The following CAMK1D variants were observed in gnomAD, a reference collection of about 807,000 sequenced individuals.
The protein encoded by CAMK1D is calcium/calmodulin-dependent protein kinase type 1D.
In CAMK1D, 9 loss-of-function variants were observed where a neutral mutation model predicts 47.7. The observed-to-expected ratio is 0.19, with a 90% CI of 0.11 to 0.33. The LOEUF is 0.33. Among genes scored for constraint, CAMK1D ranks in the 10% least tolerant of loss-of-function variants. The probability of loss-of-function intolerance (pLI) is 1.00; values close to 1 mark genes in which losing one functional copy is unlikely to be tolerated. For missense variants in CAMK1D, 291 were observed against 488.7 expected, an observed-to-expected ratio of 0.60 and a Z score of 3.81; for synonymous variants, 184 against 184.9, an observed-to-expected ratio of 0.99 and a Z score of 0.04.
intron 1 of CAMK1D, among the ~76,000 whole-genome samples, chr10:12,464,353 G>T (rs1184049765): frequency 6.6e-6 from 1 of 152,150 alleles, no homozygotes; most frequent in Non-Finnish European, 1.5e-5. Flanking sequence ...GCAGAGAGTA[G>T]TCAGTAAATG....
At chr10:12,664,752 A>G (rs1420521663) in intron 2 of CAMK1D, among the ~76,000 whole-genome samples, 1 of 152,240 alleles carries the variant, frequency 6.6e-6, no homozygotes, top group East Asian at 1.9e-4. Context: ...CTTAAACTAC[A>G]AAAGTATTCA....
At chr10:12,687,746 C>G (rs551345148) in intron 3 of CAMK1D, among the ~76,000 whole-genome samples, 2 of 152,096 alleles carry the variant, frequency 1.3e-5, no homozygotes, top group Admixed American at 6.5e-5. Flanking sequence ...GGAGACAAAT[C>G]AAAAAGAGGG....
intron 1 of CAMK1D, among the ~76,000 whole-genome samples, chr10:12,427,801 G>A (rs999738802): frequency 2.2e-5 from 3 of 134,238 alleles, no homozygotes; most frequent in East Asian, 2.4e-4. Context: ...TTTTCCTCCC[G>A]GGTTCAAGCG....
At chr10:12,792,319 G>A (rs1295795340) in intron 6 of CAMK1D, among the ~76,000 whole-genome samples, 1 of 152,116 alleles carries the variant, frequency 6.6e-6, no homozygotes, top group Admixed American at 6.5e-5. Flanking sequence ...TAAGTCTACT[G>A]TAAAGTTATT....
intron 1 of CAMK1D, among the ~76,000 whole-genome samples, chr10:12,540,546 A>G (rs141175712): frequency 8.2e-4 from 125 of 152,374 alleles, no homozygotes; most frequent in African/African-American, 2.9e-3. Flanking sequence ...GAAACCAAAG[A>G]TATCACAAGC....
intron 3 of CAMK1D, among the ~76,000 whole-genome samples, chr10:12,743,861 AAAAATACAGAAATTAGCTGGATGTGGTAG>A (rs1835545461): frequency 1.3e-5 from 2 of 152,132 alleles, no homozygotes; most frequent in African/African-American, 4.8e-5. Context: ...TGTCTCTACT[AAAAATACAGAAATTAGCTGGATGTGGTAG>A]CACACGCCTG....
At chr10:12,440,340 A>G (rs12257153) in intron 1 of CAMK1D, among the ~76,000 whole-genome samples, 12,057 of 147,794 alleles carry the variant, frequency 0.082, 555 homozygotes, top group Middle Eastern at 0.11. Flanking sequence ...GCTGGAATGC[A>G]GTGGCATGAT....
chr10:12,702,648 G>T (rs1833569885), intron 3 of CAMK1D, among the ~76,000 whole-genome samples: 1 of 152,198 alleles, frequency 6.6e-6, no homozygotes, highest in Non-Finnish European at 1.5e-5. Flanking sequence ...CAGTTATGAT[G>T]ATCCCAGTTT....
intron 1 of CAMK1D, among the ~76,000 whole-genome samples, chr10:12,502,185 A>G (rs116632828): frequency 7.4e-4 from 112 of 152,270 alleles, no homozygotes; most frequent in African/African-American, 2.5e-3. Context: ...AAGGAATGAG[A>G]GACATCGCAG....
At chr10:12,629,784 A>G (rs1374171731) in intron 2 of CAMK1D, among the ~76,000 whole-genome samples, 1 of 152,210 alleles carries the variant, frequency 6.6e-6, no homozygotes, top group Non-Finnish European at 1.5e-5. Flanking sequence ...CCTCAAAAGC[A>G]AGGGGTTCTG....
chr10:12,741,050 G>A (rs1588874000), intron 3 of CAMK1D, among the ~76,000 whole-genome samples: 1 of 152,220 alleles, frequency 6.6e-6, no homozygotes, highest in East Asian at 1.9e-4. Flanking sequence ...GACTGAAAAT[G>A]TTGAATGCAC....
rs545031806 is a variant in CAMK1D at position 12,599,392 on chromosome 10, C to T, written c.224+46036C>T. On this transcript the variant is annotated intron_variant, in intron 2 of 10. Coordinates refer to ENST00000619168, the MANE Select transcript of CAMK1D (RefSeq NM_153498.4). ...AGCTGGAGGGGTGGTGTGGGGTGGA[C>T]CAAGGAAGCATGTGGCTCACTGGAT... 7.1e-4 allele frequency among the ~76,000 whole-genome samples: 108 copies of T among 152,044 alleles called. 2 individuals are homozygous for T. The South Asian group carries it at 0.022, about 31-fold the overall frequency.
At chr10:12,419,669 C>CACACACACAT (rs1399773555) in intron 1 of CAMK1D, among the ~76,000 whole-genome samples, 1 of 151,168 alleles carries the variant, frequency 6.6e-6, no homozygotes, top group South Asian at 2.1e-4. Flanking sequence ...CACACACACA[C>CACACACACAT]GCAAAAATAG....
At chr10:12,801,461 A>G (rs1218741155) in intron 6 of CAMK1D, among the ~76,000 whole-genome samples, 4 of 148,428 alleles carry the variant, frequency 2.7e-5, no homozygotes, top group African/African-American at 1.0e-4. Flanking sequence ...TCATCTATCT[A>G]TCCGTCATCT....
At chr10:12,469,313 G>A (rs1356446256) in intron 1 of CAMK1D, among the ~76,000 whole-genome samples, 1 of 103,392 alleles carries the variant, frequency 9.7e-6, no homozygotes, top group Admixed American at 1.4e-4. Context: ...AGGTTCCCCC[G>A]CCCCCCTCCC....
intron 1 of CAMK1D, among the ~76,000 whole-genome samples, chr10:12,382,870 T>C (rs1838383642): frequency 6.6e-6 from 1 of 152,058 alleles, no homozygotes; most frequent in Non-Finnish European, 1.5e-5. Context: ...AATAGCACTT[T>C]CTGTGTTCCT....
intron 1 of CAMK1D, among the ~76,000 whole-genome samples, chr10:12,384,711 A>G (rs1838440382): frequency 6.6e-6 from 1 of 152,312 alleles, no homozygotes; most frequent in South Asian, 2.1e-4. Flanking sequence ...GACCTAATAT[A>G]AGAACTAAAA....
At chr10:12,416,599 G>A (rs966650903) in intron 1 of CAMK1D, among the ~76,000 whole-genome samples, 4 of 152,334 alleles carry the variant, frequency 2.6e-5, no homozygotes, top group African/African-American at 9.6e-5. Context: ...GTGCCCTGGG[G>A]AAGCTGCTCA....
intron 3 of CAMK1D, among the ~76,000 whole-genome samples, chr10:12,700,985 T>A (rs1207905152): frequency 6.6e-6 from 1 of 152,202 alleles, no homozygotes; most frequent in Non-Finnish European, 1.5e-5. Flanking sequence ...AGTCTAAAGG[T>A]CAGTGCCTAA....
Sources: allele counts gnomAD v4.1 joint callset (sites outside exome capture counted in the v4.1 genomes callset), GRCh38; gene constraint gnomAD v4.1.1; transcripts MANE v1.5; gene names NCBI Gene and HGNC (gene_info 2026-07-23, HGNC 2026-07-21).